The following ACER3 variants were observed in gnomAD, a reference collection of about 807,000 sequenced individuals.
ACER3 encodes alkCDase 3.
ACER3 carries 16 observed loss-of-function variants against 48.9 expected under a neutral mutation model. The ratio of observed to expected loss-of-function variants is 0.33; its 90% confidence interval spans 0.22 to 0.50. The LOEUF is 0.50. ACER3 is among the 20% of genes least tolerant of loss of function. The pLI, the probability that ACER3 is intolerant of heterozygous loss-of-function variation, is 0.98. For synonymous variants in ACER3, 109 were observed against 107.8 expected (o/e 1.01, Z -0.07); for missense variants, 227 against 326.0 (o/e 0.70, Z 2.34).
chr11:76,953,655 C>G (rs1460551094), intron 2 of ACER3, among the ~76,000 whole-genome samples: 3 of 152,018 alleles, frequency 2.0e-5, no homozygotes, highest in Non-Finnish European at 4.4e-5. Flanking sequence ...ACTTCTTTAC[C>G]TCACTTTTTA....
chr11:76,882,495 CCAGAGATT>C (rs1945554570), intron 1 of ACER3, among the ~76,000 whole-genome samples: 1 of 152,126 alleles, frequency 6.6e-6, no homozygotes, highest in Non-Finnish European at 1.5e-5. Context: ...CTGTCTTTCT[CCAGAGATT>C]TCCTATCTTT....
chr11:76,980,254 A>G (rs1374333912), intron 4 of ACER3, among the ~76,000 whole-genome samples: 2 of 152,248 alleles, frequency 1.3e-5, no homozygotes, highest in Non-Finnish European at 2.9e-5. Flanking sequence ...ACTCCTTTTA[A>G]TAACATATTT....
chr11:77,000,215 T>C (rs1215735469), intron 7 of ACER3, among the ~76,000 whole-genome samples: 3 of 152,176 alleles, frequency 2.0e-5, no homozygotes, highest in Admixed American at 6.5e-5. Context: ...ATTTGCCATA[T>C]GTATATGTAT....
At chr11:76,883,659 G>T (rs1381577791) in intron 1 of ACER3, among the ~76,000 whole-genome samples, 1 of 152,030 alleles carries the variant, frequency 6.6e-6, no homozygotes. Flanking sequence ...TGGCCAGGCT[G>T]ATCTCGAATT....
intron 2 of ACER3, among the ~76,000 whole-genome samples, chr11:76,952,137 T>TACAC (rs1190791147): frequency 1.5e-3 from 114 of 74,454 alleles, no homozygotes; most frequent in African/African-American, 3.1e-3. Flanking sequence ...TATATATATA[T>TACAC]ATACACACAC....
intron 5 of ACER3, 130 bp from the exon 6 acceptor site, chr11:76,990,409 A>G (rs775794968): frequency 2.7e-6 from 2 of 731,044 alleles, no homozygotes; most frequent in Admixed American, 2.0e-5. Flanking sequence ...TTGCTTTTAC[A>G]TGGCTAGATT....
chr11:77,015,703 A>G (rs542342657), intron 8 of ACER3, among the ~76,000 whole-genome samples: 23 of 152,316 alleles, frequency 1.5e-4, no homozygotes, highest in African/African-American at 5.3e-4. Flanking sequence ...ACAATTTTGC[A>G]TAAACAGAGA....
In ACER3 at chr11:76,913,860, A is replaced by G. The variant is rs556756786; in HGVS notation, c.104-12697A>G. On this transcript the variant is annotated intron_variant, in intron 1 of 10. Coordinates refer to ENST00000532485, the MANE Select transcript of ACER3 (RefSeq NM_018367.7). ...TGGTACCAAAACAGAGATATAGACC[A>G]GTGGAATAGAACAGAGCCCCCAGAA... Among the ~76,000 whole-genome samples, 8 of 152,354 alleles carry G rather than the reference A, an allele frequency of 5.3e-5. No individual in the cohort carries two copies. The East Asian group carries it at 1.5e-3, about 29-fold the overall frequency.
intron 1 of ACER3, among the ~76,000 whole-genome samples, chr11:76,887,714 G>A (rs531720525): frequency 1.3e-5 from 2 of 151,394 alleles, no homozygotes; most frequent in South Asian, 4.2e-4. Flanking sequence ...GCCCACACAT[G>A]TGCATAAATT....
chr11:76,995,020 C>G (rs1351190885), intron 6 of ACER3, among the ~76,000 whole-genome samples: 1 of 151,778 alleles, frequency 6.6e-6, no homozygotes, highest in African/African-American at 2.4e-5. Context: ...TTTCTGTTGC[C>G]CTAGTCCACT....
At chr11:76,953,754 A>T (rs1947756346) in intron 2 of ACER3, among the ~76,000 whole-genome samples, 1 of 152,218 alleles carries the variant, frequency 6.6e-6, no homozygotes, top group Non-Finnish European at 1.5e-5. Flanking sequence ...GGGGTTGCTT[A>T]AAAATATTTT....
chr11:76,932,407 A>G (rs1454571501), intron 2 of ACER3, among the ~76,000 whole-genome samples: 12 of 152,208 alleles, frequency 7.9e-5, no homozygotes, highest in Admixed American at 7.9e-4. Context: ...GATATGAGAG[A>G]CTTTAATTTC....
intron 1 of ACER3, among the ~76,000 whole-genome samples, chr11:76,885,365 G>T (rs1168303311): frequency 6.6e-6 from 1 of 151,996 alleles, no homozygotes; most frequent in Non-Finnish European, 1.5e-5. Flanking sequence ...CATATGCCAT[G>T]CTGGTTTGCT....
At chr11:76,873,646 G>C (rs896747973) in intron 1 of ACER3, among the ~76,000 whole-genome samples, 3 of 152,144 alleles carry the variant, frequency 2.0e-5, no homozygotes, top group Non-Finnish European at 4.4e-5. Flanking sequence ...GTACTTGAAG[G>C]CTAAGTACAT....
At chr11:76,863,794 C>A (rs1481111166) in intron 1 of ACER3, among the ~76,000 whole-genome samples, 2 of 152,126 alleles carry the variant, frequency 1.3e-5, no homozygotes, top group Non-Finnish European at 2.9e-5. Flanking sequence ...TTATTATCCC[C>A]ATTTCAAAGA....
Position 76,895,881 on chromosome 11 carries a change from T to C in ACER3, c.104-30676T>C, listed in dbSNP as rs182859390. Reference sequence around the variant, plus strand: ...TTTGTAAATGAAATATGATGTGGCCTTATAATAGAATACTATATAGCCAAC... The same window carrying C: ...TTTGTAAATGAAATATGATGTGGCCCTATAATAGAATACTATATAGCCAAC... On this transcript the variant is annotated intron_variant, in intron 1 of 10. Transcript: ENST00000532485. Among the ~76,000 whole-genome samples the C allele has an allele frequency of 6.1e-4, 93 of 152,330 alleles. No individual in the cohort carries two copies. In the East Asian group the frequency reaches 9.8e-3, roughly 16 times the overall value.
At chr11:76,931,079 A>G (rs1404766429) in intron 2 of ACER3, among the ~76,000 whole-genome samples, 2 of 142,140 alleles carry the variant, frequency 1.4e-5, no homozygotes, top group African/African-American at 2.7e-5. Flanking sequence ...AAAGTCTCCC[A>G]TTATTATTGT....
In ACER3 at chr11:76,989,480, G is replaced by A. The variant is rs1334869888; in HGVS notation, c.403-1059G>A. 5.3e-5 allele frequency among the ~76,000 whole-genome samples: 8 copies of A among 152,158 alleles called. No homozygotes were observed. In the South Asian group the frequency reaches 1.0e-3, roughly 20 times the overall value. Reference sequence around the variant, plus strand: ...GAAAGGAGTGTGACTGGTTGCTTCCGCTGTATAGAGAAAGGATCAGAAAAG... The same window carrying A: ...GAAAGGAGTGTGACTGGTTGCTTCCACTGTATAGAGAAAGGATCAGAAAAG... On this transcript the variant is annotated intron_variant, in intron 5 of 10. Coordinates refer to ENST00000532485, the MANE Select transcript of ACER3 (RefSeq NM_018367.7).
At chr11:76,955,464 C>G (rs1156529628) in intron 2 of ACER3, 4 of 153,030 alleles carry the variant, frequency 2.6e-5, no homozygotes, top group Non-Finnish European at 5.8e-5. Flanking sequence ...CTTGGAAGTC[C>G]AAGATCAAGG....
Sources: allele counts gnomAD v4.1 joint callset (sites outside exome capture counted in the v4.1 genomes callset), GRCh38; gene constraint gnomAD v4.1.1; transcripts MANE v1.5; gene names NCBI Gene and HGNC (gene_info 2026-07-23, HGNC 2026-07-21).